SLC29A3: variants seen among roughly 807,000 people sequenced by gnomAD.
SLC29A3 encodes solute carrier family 29 member 3.
Under a neutral mutation model 25.4 loss-of-function variants are expected in SLC29A3, and 18 were observed. The observed-to-expected ratio is 0.71, with a 90% CI of 0.49 to 1.05. The LOEUF (loss-of-function observed/expected upper bound fraction) is 1.05. Among genes scored for constraint, SLC29A3 ranks in the 50% least tolerant of loss-of-function variants. The probability of loss-of-function intolerance (pLI) is 0.00; values close to 1 mark genes in which losing one functional copy is unlikely to be tolerated. For missense variants in SLC29A3, 586 were observed against 609.0 expected (o/e 0.96, Z 0.40); for synonymous variants, 258 against 267.1 (o/e 0.97, Z 0.33).
intron 2 of SLC29A3, among the ~76,000 whole-genome samples, chr10:71,335,888 G>A (rs923932027): frequency 5.3e-5 from 8 of 152,194 alleles, no homozygotes; most frequent in South Asian, 2.1e-4. Flanking sequence ...GGCAGGAAAC[G>A]AAGGATGGAG....
chr10:71,322,727 T>G lies in SLC29A3; in HGVS notation c.2-29T>G, dbSNP rs748435814. On this transcript the variant is annotated intron_variant, in intron 1 of 5. Transcript: ENST00000373189. ...AGCCTTGGTTTCTACTCACCTACCC[T>G]GTCTCTGTTGCCCTCCTTGCTCCAA... The G allele has an allele frequency of 8.1e-6, 13 of 1,613,652 alleles. No homozygotes were observed. The African/African-American group carries it at 1.6e-4, about 20-fold the overall frequency.
rs1318812757 is a variant in SLC29A3, at chr10:71,351,698, A to G, written c.520A>G (p.Ile174Val). The change falls in exon 4 of 6, where the codon ATC (isoleucine) becomes GTC (valine). Residue 174 changes from isoleucine to valine, a missense_variant. Transcript: ENST00000373189. ...TGCGGTCACCATTGTCTGCATGGTG[A>G]TCCTCAGCGGTGCCTCCACTGTCTT... is the stretch of plus-strand genomic sequence containing the variant. The part of the protein sequence containing the change: ...FFAVTIVCMV[I>V]LSGASTVFSS... The G allele has an allele frequency of 2.5e-6, 4 of 1,614,064 alleles. No individual in the cohort carries two copies. The highest frequency in any genetic ancestry group is 3.4e-6 in the Non-Finnish European group (4 of 1,180,006).
intron 3 of SLC29A3, among the ~76,000 whole-genome samples, chr10:71,375,163 T>C (rs1471546537): frequency 6.6e-6 from 1 of 152,156 alleles, no homozygotes; most frequent in African/African-American, 2.4e-5. Context: ...TTGCACCCCA[T>C]CCCACCTGCC....
intron 4 of SLC29A3, among the ~76,000 whole-genome samples, chr10:71,354,774 G>A (rs772648905): frequency 5.5e-4 from 84 of 152,204 alleles, no homozygotes; most frequent in Non-Finnish European, 1.1e-3. Flanking sequence ...CGCATTGATG[G>A]TGATGGTGTT....
At chr10:71,374,918 C>T (rs1847238854) in intron 3 of SLC29A3, among the ~76,000 whole-genome samples, 1 of 152,212 alleles carries the variant, frequency 6.6e-6, no homozygotes, top group South Asian at 2.1e-4. Context: ...ATGAGAATAG[C>T]TGCTCCCCGC....
At chr10:71,367,531 C>T (rs1230525749), downstream of SLC29A3, among the ~76,000 whole-genome samples, 1 of 152,180 alleles carries the variant, frequency 6.6e-6, no homozygotes, top group Non-Finnish European at 1.5e-5. Context: ...AGAGATGCAC[C>T]AGGGGTCACA....
intron 3 of SLC29A3, among the ~76,000 whole-genome samples, chr10:71,347,971 G>A (rs942754667): frequency 1.3e-5 from 2 of 152,202 alleles, no homozygotes; most frequent in African/African-American, 2.4e-5. Flanking sequence ...TTTCCTGGCC[G>A]TGTCTGTGAG....
chr10:71,363,813 C>CTTTTTTTTTTTTTT, downstream of SLC29A3, among the ~76,000 whole-genome samples: 1 of 118,202 alleles, frequency 8.5e-6, no homozygotes, highest in Non-Finnish European at 1.7e-5. Flanking sequence ...TTTTTCTTTT[C>CTTTTTTTTTTTTTT]TTTTTTTTTT....
At chr10:71,347,802 C>G (rs1846632470) in intron 3 of SLC29A3, among the ~76,000 whole-genome samples, 1 of 152,206 alleles carries the variant, frequency 6.6e-6, no homozygotes. Flanking sequence ...TTGACCTCCT[C>G]CTCTCTGATT....
chr10:71,328,658 AG>A (rs1383417500), intron 2 of SLC29A3, among the ~76,000 whole-genome samples: 1 of 152,242 alleles, frequency 6.6e-6, no homozygotes, highest in Non-Finnish European at 1.5e-5. Flanking sequence ...AAGTCTGAGA[AG>A]GAAAGCTCCA....
intron 2 of SLC29A3, among the ~76,000 whole-genome samples, chr10:71,341,216 A>T (rs1846399082): frequency 6.6e-6 from 1 of 151,790 alleles, no homozygotes; most frequent in Admixed American, 6.5e-5. Context: ...TGTGGGGGTC[A>T]GCTCCTCCTT....
chr10:71,324,072 G>A (rs1845913061), intron 2 of SLC29A3, among the ~76,000 whole-genome samples: 1 of 152,146 alleles, frequency 6.6e-6, no homozygotes, highest in Non-Finnish European at 1.5e-5. Flanking sequence ...AAAACAGTAA[G>A]GAAAGCTTTA....
At chr10:71,319,673 A>G in intron 1 of SLC29A3, 1 of 261,750 alleles carries the variant, frequency 3.8e-6, no homozygotes, top group African/African-American at 2.2e-5. Context: ...TTACACCGCA[A>G]AGCCGGTTCT....
intron 2 of SLC29A3, among the ~76,000 whole-genome samples, chr10:71,331,455 G>T (rs999666950): frequency 6.6e-6 from 1 of 152,176 alleles, no homozygotes; most frequent in African/African-American, 2.4e-5. Flanking sequence ...GGCAGTTTGT[G>T]TGTGGAAGCA....
At chr10:71,336,738 A>C (rs1247474599) in intron 2 of SLC29A3, among the ~76,000 whole-genome samples, 1 of 151,686 alleles carries the variant, frequency 6.6e-6, no homozygotes, top group African/African-American at 2.4e-5. Flanking sequence ...CTTTTTGCGG[A>C]GTGGAAAGGA....
chr10:71,339,686 C>T (rs1408267708), intron 2 of SLC29A3, among the ~76,000 whole-genome samples: 1 of 152,140 alleles, frequency 6.6e-6, no homozygotes, highest in Non-Finnish European at 1.5e-5. Flanking sequence ...GGCATCCTCA[C>T]TGGTGGGGAA....
intron 2 of SLC29A3, among the ~76,000 whole-genome samples, chr10:71,333,856 G>A (rs1289207397): frequency 6.6e-6 from 1 of 152,194 alleles, no homozygotes; most frequent in African/African-American, 2.4e-5. Context: ...GAGGTTCCCT[G>A]TTTCTCTGAC....
chr10:71,360,134 C>CTTTTT (rs10532475), intron 5 of SLC29A3, among the ~76,000 whole-genome samples: 3 of 71,456 alleles, frequency 4.2e-5, no homozygotes, highest in African/African-American at 1.1e-4. Context: ...TCTTCTTCTT[C>CTTTTT]TTTTTTTTTT....
intron 1 of SLC29A3, among the ~76,000 whole-genome samples, chr10:71,321,431 C>G (rs74147846): frequency 0.02 from 3,032 of 152,304 alleles, 117 homozygotes; most frequent in African/African-American, 0.07. Flanking sequence ...GAAGAGGCTA[C>G]TGCAGAAGGG....
Sources: gnomAD v4.1 joint callset for allele counts (sites outside exome capture counted in the v4.1 genomes callset) on GRCh38, gnomAD v4.1.1 for gene constraint, MANE v1.5 for transcripts, NCBI Gene and HGNC (gene_info 2026-07-23, HGNC 2026-07-21) for gene names.